The following EPC1 variants were observed in gnomAD, a reference collection of about 807,000 sequenced individuals.
EPC1 encodes enhancer of polycomb 1.
In EPC1, 12 loss-of-function variants were observed where a neutral mutation model predicts 98.4. That is an observed-to-expected ratio of 0.12 (90% CI 0.08 to 0.20). The LOEUF is 0.20. Ranked by LOEUF, EPC1 falls within the 10% of genes least tolerant of loss-of-function variation. EPC1 has a pLI of 1.00. For missense variants in EPC1, 729 were observed against 990.5 expected (o/e 0.74, Z 3.54); for synonymous variants, 357 against 363.9 (o/e 0.98, Z 0.21).
rs753354388 is a variant in EPC1 at position 32,346,809 on chromosome 10, CT to C, written c.106del (p.Arg36GlyfsTer90). ...PDLHEYASIN[R>X]AVPQMPTGME... ...TCCGGTGGGCATCTGCGGCACGGCC[CT>C]GTTTATCGAGGCGTATTCGTGCAGG... On this transcript the variant is annotated frameshift_variant, in exon 1 of 14. Coordinates refer to ENST00000319778, the MANE Select transcript of EPC1 (RefSeq NM_001272004.3). LOFTEE classifies it high-confidence loss of function. 1 of 1,614,178 alleles carries C rather than the reference CT, an allele frequency of 6.2e-7. No homozygotes were observed. Among genetic ancestry groups the C allele is most frequent in the Non-Finnish European group, 8.5e-7 (1 of 1,180,008 alleles).
At chr10:32,319,732 A>G (rs1297293243) in intron 1 of EPC1, among the ~76,000 whole-genome samples, 1 of 152,146 alleles carries the variant, frequency 6.6e-6, no homozygotes, top group Non-Finnish European at 1.5e-5. Flanking sequence ...CTGGAAGTGC[A>G]GTGGCGCAAT....
intron 1 of EPC1, among the ~76,000 whole-genome samples, chr10:32,358,047 G>T (rs557173602): frequency 3.8e-4 from 58 of 151,624 alleles, no homozygotes; most frequent in Non-Finnish European, 7.5e-4. Context: ...TGGAGACAAG[G>T]TTTCACCATG....
intron 10 of EPC1, 68 bp from the exon 11 acceptor site, chr10:32,273,349 A>C: frequency 1.9e-6 from 3 of 1,539,428 alleles, no homozygotes; most frequent in Non-Finnish European, 2.6e-6. Flanking sequence ...CAGTACTAAA[A>C]CAAAAATTCT....
At chr10:32,350,520 G>A (rs1839081576), upstream of EPC1, among the ~76,000 whole-genome samples, 1 of 152,214 alleles carries the variant, frequency 6.6e-6, no homozygotes, top group Non-Finnish European at 1.5e-5. Context: ...ATGAACAAAA[G>A]GGTGAGAGGC....
At position 32,284,850 on chromosome 10, in the gene EPC1, G is replaced by A; in HGVS notation, c.1592C>T (p.Pro531Leu). The A allele has an allele frequency of 6.2e-6, 10 of 1,614,108 alleles. No individual in the cohort carries two copies. The highest frequency in any genetic ancestry group is 7.6e-6 in the Non-Finnish European group (9 of 1,180,014). Residue 531 changes from proline to leucine, a missense_variant, in exon 10 of 14, where the codon CCT (proline) becomes CTT (leucine). Physicochemically the swap from Pro to Leu is moderately conservative, Grantham distance 98 (BLOSUM62 -3). Transcript: ENST00000319778. ...ACTGTCATGTAGGGATGGTGTCCGA[G>A]GCCTAAAATGCCGCCATCTACATGA... ...IKSCRWRHFR[P>L]RTPSLHDSDN...
At chr10:32,313,818 G>A (rs1452035693) in intron 1 of EPC1, among the ~76,000 whole-genome samples, 2 of 151,994 alleles carry the variant, frequency 1.3e-5, no homozygotes, top group East Asian at 1.9e-4. Flanking sequence ...CCTGGGAGGC[G>A]GAGGCTGCAG....
At chr10:32,370,388 A>C (rs886096225) in intron 1 of EPC1, among the ~76,000 whole-genome samples, 12 of 152,174 alleles carry the variant, frequency 7.9e-5, no homozygotes, top group Non-Finnish European at 1.6e-4. Flanking sequence ...GGGTTGCTTC[A>C]ATAGCCGTAA....
At chr10:32,338,675 C>G (rs2505399) in intron 1 of EPC1, among the ~76,000 whole-genome samples, 68,616 of 151,970 alleles carry the variant, frequency 0.45, 18,762 homozygotes, top group East Asian at 0.72. Context: ...CAGATCTTCC[C>G]ACGGCTCATT....
chr10:32,326,842 A>G (rs1287312134), intron 1 of EPC1, among the ~76,000 whole-genome samples: 1 of 152,152 alleles, frequency 6.6e-6, no homozygotes, highest in Non-Finnish European at 1.5e-5. Flanking sequence ...CGACACCACA[A>G]TAAAATTTCA....
intron 2 of EPC1, 22 bp from the exon 3 acceptor site, chr10:32,293,759 A>C: frequency 6.3e-7 from 1 of 1,599,998 alleles, no homozygotes; most frequent in Non-Finnish European, 8.5e-7. Flanking sequence ...AACCATATGC[A>C]ATCATTTACT....
intron 1 of EPC1, among the ~76,000 whole-genome samples, chr10:32,333,396 G>A: frequency 6.6e-6 from 1 of 152,178 alleles, no homozygotes; most frequent in Non-Finnish European, 1.5e-5. Flanking sequence ...AATGAACTGA[G>A]TGATTTAGCA....
At chr10:32,378,179 A>T (rs988365617) in intron 1 of EPC1, among the ~76,000 whole-genome samples, 2 of 152,226 alleles carry the variant, frequency 1.3e-5, no homozygotes, top group African/African-American at 4.8e-5. Flanking sequence ...TATAAAGAGG[A>T]TATGCACATA....
intron 10 of EPC1, among the ~76,000 whole-genome samples, chr10:32,275,867 G>C (rs893129941): frequency 3.9e-5 from 6 of 151,956 alleles, no homozygotes; most frequent in African/African-American, 1.5e-4. Flanking sequence ...AACCCGGGAG[G>C]TGGAGGTTGC....
At chr10:32,378,393 T>C in intron 1 of EPC1, 1 of 987,400 alleles carries the variant, frequency 1.0e-6, no homozygotes, top group Non-Finnish European at 1.5e-6. Flanking sequence ...TAAAGAAAAA[T>C]ACAAAGATTG....
chr10:32,320,558 T>C (rs1243595463), intron 1 of EPC1, among the ~76,000 whole-genome samples: 1 of 152,192 alleles, frequency 6.6e-6, no homozygotes, highest in African/African-American at 2.4e-5. Context: ...TCTTCCAAAT[T>C]AATAATACAG....
intron 1 of EPC1, among the ~76,000 whole-genome samples, chr10:32,368,394 CGT>C (rs1239132425): frequency 6.6e-6 from 1 of 152,136 alleles, no homozygotes; most frequent in Non-Finnish European, 1.5e-5. Context: ...CCCACAGCCA[CGT>C]GTGTTCTTCC....
At chr10:32,310,362 C>T (rs779865326) in intron 1 of EPC1, among the ~76,000 whole-genome samples, 20 of 152,162 alleles carry the variant, frequency 1.3e-4, no homozygotes, top group Non-Finnish European at 2.4e-4. Context: ...ATACCTACCA[C>T]GTGGGATTGT....
At chr10:32,304,058 C>T (rs1239340082) in intron 2 of EPC1, among the ~76,000 whole-genome samples, 1 of 152,122 alleles carries the variant, frequency 6.6e-6, no homozygotes, top group East Asian at 1.9e-4. Flanking sequence ...AAATTTTCTC[C>T]CAAATAAGCT....
At chr10:32,345,331 T>C in intron 1 of EPC1, 1 of 985,430 alleles carries the variant, frequency 1.0e-6, no homozygotes. Context: ...AAAAGTAACA[T>C]TTCACTGTCA....
Sources: gnomAD v4.1 joint callset for allele counts (sites outside exome capture counted in the v4.1 genomes callset) on GRCh38, gnomAD v4.1.1 for gene constraint, MANE v1.5 for transcripts, NCBI Gene and HGNC (gene_info 2026-07-23, HGNC 2026-07-21) for gene names.